The following MYH1 variants were observed in gnomAD, a reference collection of about 807,000 sequenced individuals.
MYH1 encodes myosin heavy chain 1.
MYH1 carries 214 observed loss-of-function variants against 225.6 expected under a neutral mutation model. The observed-to-expected ratio is 0.95, with a 90% CI of 0.85 to 1.06. The LOEUF (loss-of-function observed/expected upper bound fraction) is 1.06, where lower values mean the gene tolerates loss of function less well. Ranked by LOEUF, MYH1 falls within the 50% of genes least tolerant of loss-of-function variation. The probability of loss-of-function intolerance (pLI) is 0.00; values close to 1 mark genes in which losing one functional copy is unlikely to be tolerated. For synonymous variants in MYH1, 774 were observed against 842.3 expected (o/e 0.92, Z 1.40); for missense variants, 2,098 against 2,344.2 (o/e 0.89, Z 2.17).
At position 10,496,540 on chromosome 17, in the gene MYH1, C is replaced by T. The variant is rs1195789833; in HGVS notation, c.4666G>A (p.Glu1556Lys). 1.2e-6 allele frequency: 2 copies of T among 1,614,092 alleles called. No homozygotes were observed. The highest frequency in any genetic ancestry group is 1.7e-6 in the Non-Finnish European group (2 of 1,180,030). ...AALEEAEASL[E>K]HEEGKILRIQ... ...CGCAGGATCTTTCCCTCTTCATGTT[C>T]AAGAGATGCCTTAATGACAGCAAGA... Residue 1556 changes from glutamate (E) to lysine (K), a missense_variant, in exon 34 of 40, where the codon GAA becomes AAA. By Grantham distance (56) the Glu-to-Lys change is moderately conservative (BLOSUM62 1). Coordinates refer to ENST00000226207, the MANE Select transcript of MYH1 (RefSeq NM_005963.4).
Position 10,515,979 on chromosome 17 carries a change from G to T in MYH1, c.452C>A (p.Ala151Asp), listed in dbSNP as rs767731312. ...TAYRGKKRQE[A>D]PPHIFSISDN... is the part of the protein sequence containing the mutation. ...AGAGATGGAGAAGATGTGGGGTGGG[G>T]CCTCCTGGCGCTTTTTGCCTCGGTA... Residue 151 changes from alanine to aspartate, a missense_variant, in exon 5 of 40, where the codon GCC (alanine) becomes GAC (aspartate). Transcript: ENST00000226207. 1.2e-6 allele frequency: 2 copies of T among 1,614,178 alleles called. No individual in the cohort carries two copies. The highest frequency in any genetic ancestry group is 1.7e-6 in the Non-Finnish European group (2 of 1,180,030).
Position 10,494,985 on chromosome 17 carries a change from A to T in MYH1, c.5412T>A (p.Ala1804=). The part of the protein sequence containing the change: ...VKDLQHRLDE[A]EQLALKGGKK... The stretch of plus-strand genomic sequence containing the variant: ...TCCCACCCTTCAGGGCCAGCTGCTC[A>T]GCCTCATCCAGACGATGCTGCAGGT... Residue 1804 remains alanine (A), a synonymous_variant, in exon 37 of 40, where the codon GCT becomes GCA. Transcript: ENST00000226207. 3 of 1,614,188 alleles carry T rather than the reference A, an allele frequency of 1.9e-6. No homozygotes were observed. The highest frequency in any genetic ancestry group is 2.5e-6 in the Non-Finnish European group (3 of 1,180,036).
chr17:10,502,359 A>G (rs900406407), intron 24 of MYH1, among the ~76,000 whole-genome samples: 2 of 152,202 alleles, frequency 1.3e-5, no homozygotes, highest in African/African-American at 2.4e-5. Context: ...CTTATTGATC[A>G]TTACAACTTC....
At chr17:10,498,533 G>A (rs1317404073) in intron 30 of MYH1, 93 bp downstream of exon 30, 1 of 1,539,210 alleles carries the variant, frequency 6.5e-7, no homozygotes, top group African/African-American at 1.4e-5. Flanking sequence ...CAATATGGCT[G>A]TATATGGTCC....
At chr17:10,506,449 G>T (rs2073113364) in intron 17 of MYH1, among the ~76,000 whole-genome samples, 1 of 151,466 alleles carries the variant, frequency 6.6e-6, no homozygotes, top group Non-Finnish European at 1.5e-5. Context: ...ACTAATCAAT[G>T]CCTTCCTCTA....
At position 10,495,016 on chromosome 17, in the gene MYH1, A is replaced by G. The variant is rs1567714341; in HGVS notation, c.5381T>C (p.Val1794Ala). 23 of 1,614,124 alleles carry G rather than the reference A, an allele frequency of 1.4e-5. No homozygotes were observed. The highest frequency in any genetic ancestry group is 1.5e-5 in the Non-Finnish European group (18 of 1,180,034). ...ERMKKNLEQT[V>A]KDLQHRLDEA... ...ATCCAGACGATGCTGCAGGTCCTTCACCGTCTGTTCCAGGTTCTTCTTCAT... is the reference window on the plus strand; with the variant it reads ...ATCCAGACGATGCTGCAGGTCCTTCGCCGTCTGTTCCAGGTTCTTCTTCAT... Residue 1794 changes from valine (V) to alanine (A), a missense_variant, in exon 37 of 40, where the codon GTG becomes GCG. Val to Ala is a moderately conservative substitution (Grantham distance 64). Coordinates refer to ENST00000226207, the MANE Select transcript of MYH1 (RefSeq NM_005963.4).
At position 10,501,197 on chromosome 17, in the gene MYH1, C is replaced by T; in HGVS notation, c.3651G>A (p.Val1217=). The part of the protein sequence containing the change: ...LGEQIDNLQR[V]KQKLEKEKSE... ...TCTTCTCCTTCTCCAGCTTCTGCTT[C>T]ACTCGCTGCAGGTTGTCAATCTGCT... is the stretch of plus-strand genomic sequence containing the variant. The change falls in exon 27 of 40, where the codon GTG becomes GTA. Residue 1217 remains valine (V), a synonymous_variant. Coordinates refer to ENST00000226207, the MANE Select transcript of MYH1 (RefSeq NM_005963.4). 1.9e-6 allele frequency: 3 copies of T among 1,614,160 alleles called. No homozygotes were observed. The highest frequency in any genetic ancestry group is 2.5e-6 in the Non-Finnish European group (3 of 1,180,010).
rs1411727457 is a variant in MYH1, at chr17:10,508,493, C to T, written c.1767G>A (p.Val589=). The T allele has an allele frequency of 2.5e-6, 4 of 1,614,000 alleles. No individual in the cohort carries two copies. Residue 589 remains valine, a synonymous_variant, in exon 16 of 40, where the codon GTG becomes GTA. Coordinates refer to ENST00000226207, the MANE Select transcript of MYH1 (RefSeq NM_005963.4). ...HFSLIHYAGT[V]DYNIAGWLDK... is the part of the protein sequence containing the mutation. ...CAAGCCAGCCGGCAATGTTGTAGTC[C>T]ACGGTGCCAGCATAGTGAATCAAAG...
At chr17:10,515,270 T>C (rs1269985083) in intron 5 of MYH1, among the ~76,000 whole-genome samples, 1 of 152,182 alleles carries the variant, frequency 6.6e-6, no homozygotes, top group African/African-American at 2.4e-5. Context: ...AAATTTACTA[T>C]CTTATGGCCA....
At chr17:10,506,292 G>A (rs1274592278) in intron 17 of MYH1, among the ~76,000 whole-genome samples, 193 bp from the exon 18 acceptor site, 1 of 152,106 alleles carries the variant, frequency 6.6e-6, no homozygotes, top group Non-Finnish European at 1.5e-5. Flanking sequence ...GTGTGCATTA[G>A]AAGCATAGTT....
intron 24 of MYH1, among the ~76,000 whole-genome samples, chr17:10,502,413 T>C (rs1351074749): frequency 6.6e-6 from 1 of 152,228 alleles, no homozygotes; most frequent in African/African-American, 2.4e-5. Context: ...CTCCCTCTTC[T>C]TTCTTTTTGC....
intron 6 of MYH1, 103 bp from the exon 7 acceptor site, chr17:10,514,227 C>T (rs1477244229): frequency 3.0e-5 from 40 of 1,353,022 alleles, no homozygotes; most frequent in Non-Finnish European, 3.9e-5. Flanking sequence ...CCTTTTACAT[C>T]TTTCTTTTCA....
Position 10,504,966 on chromosome 17 carries a change from T to C in MYH1, c.2535A>G (p.Lys845=), listed in dbSNP as rs1285464599. Residue 845 remains lysine, a synonymous_variant, in exon 22 of 40, where the codon AAA becomes AAG. Coordinates refer to ENST00000226207, the MANE Select transcript of MYH1 (RefSeq NM_005963.4). The part of the protein sequence containing the change: ...KLYFKIKPLL[K]SAETEKEMAN... ...CCATCTCCTTCTCTGTCTCTGCACT[T>C]TTGAGGAGGGGTTTGATCTTGAAAT... 1.2e-6 allele frequency: 2 copies of C among 1,614,134 alleles called. No homozygotes were observed. The highest frequency in any genetic ancestry group is 1.7e-6 in the Non-Finnish European group (2 of 1,180,044).
At position 10,501,877 on chromosome 17, in the gene MYH1, C is replaced by A. The variant is rs776295792; in HGVS notation, c.3146G>T (p.Arg1049Leu). Residue 1049 changes from arginine to leucine, a missense_variant, in exon 25 of 40, where the codon CGG (arginine) becomes CTG (leucine). Coordinates refer to ENST00000226207, the MANE Select transcript of MYH1 (RefSeq NM_005963.4). The stretch of plus-strand genomic sequence containing the variant: ...TCTCTTTGCTCTTTCTAGATCCATC[C>A]GGATTTTCTTTTCTTGTTCCAAAGA... ...EGSLEQEKKI[R>L]MDLERAKRKL... 6.2e-7 allele frequency: 1 copy of A among 1,608,634 alleles called. No homozygotes were observed.
At chr17:10,505,978 A>G in intron 18 of MYH1, 34 bp downstream of exon 18, 1 of 1,614,070 alleles carries the variant, frequency 6.2e-7, no homozygotes, top group Non-Finnish European at 8.5e-7. Context: ...TCACACACAC[A>G]CTGGAGCTTG....
At position 10,518,290 on chromosome 17, in the gene MYH1, C is replaced by T. The variant is rs2073249642; in HGVS notation, c.-71-20G>A. 6.6e-6 allele frequency: 1 copy of T among 151,956 alleles called. No homozygotes were observed. Among genetic ancestry groups the T allele is most frequent in the African/African-American group, 2.4e-5 (1 of 41,344 alleles). 9.4% of individuals were successfully genotyped at this position (151,956 alleles called of 1,614,324 possible). ...TCAGAACTGTAAGAAAAAGAGCAAACCTCTTCTGATTAAATTATAACAATT... is the reference window on the plus strand; with the variant it reads ...TCAGAACTGTAAGAAAAAGAGCAAATCTCTTCTGATTAAATTATAACAATT... On this transcript the variant is annotated intron_variant, in intron 1 of 39. Coordinates refer to ENST00000226207, the MANE Select transcript of MYH1 (RefSeq NM_005963.4).
intron 14 of MYH1, 113 bp downstream of exon 14, chr17:10,511,726 T>A: frequency 6.5e-7 from 1 of 1,532,322 alleles, no homozygotes; most frequent in Non-Finnish European, 9.0e-7. Flanking sequence ...AAGTTTAAAG[T>A]GCAGCTATTT....
In MYH1 at chr17:10,516,516, G is replaced by C. The variant is rs1452866858; in HGVS notation, c.127C>G (p.Pro43Ala). The C allele has an allele frequency of 1.2e-6, 2 of 1,614,084 alleles. No homozygotes were observed. Among genetic ancestry groups the C allele is most frequent in the Non-Finnish European group, 1.7e-6 (2 of 1,180,038 alleles). ...GTTGCTTTCACAAAGGACTCCTTAGGGTCCACCACAAAGACTGATGTCTTG... is the reference window on the plus strand; with the variant it reads ...GTTGCTTTCACAAAGGACTCCTTAGCGTCCACCACAAAGACTGATGTCTTG... ...DAKTSVFVVD[P>A]KESFVKATVQ... Residue 43 changes from proline (P) to alanine (A), a missense_variant, in exon 3 of 40, where the codon CCT (proline) becomes GCT (alanine). Transcript: ENST00000226207.
At position 10,507,832 on chromosome 17, in the gene MYH1, T is replaced by C. The variant is rs369243150; in HGVS notation, c.1968+54A>G. On this transcript the variant is annotated intron_variant, in intron 17 of 39. Transcript: ENST00000226207. ...AAGGTTAGTTTTTTCCCCCACACCA[T>C]AGAGTACATTTAATATCCTAAATCT... 1.4e-5 allele frequency: 21 copies of C among 1,480,642 alleles called. No homozygotes were observed. In the South Asian group the frequency reaches 1.5e-4, roughly 11 times the overall value. 91.7% of individuals were successfully genotyped at this position (1,480,642 alleles called of 1,614,324 possible).
Sources: allele counts gnomAD v4.1 joint callset (sites outside exome capture counted in the v4.1 genomes callset), GRCh38; gene constraint gnomAD v4.1.1; transcripts MANE v1.5; gene names NCBI Gene and HGNC (gene_info 2026-07-23, HGNC 2026-07-21).